Variants in ASB14 observed in about 807,000 individuals in gnomAD.
ASB14 encodes ankyrin repeat and SOCS box protein 14.
In ASB14, 63 loss-of-function variants were observed where a neutral mutation model predicts 55.6. The ratio of observed to expected loss-of-function variants is 1.13; its 90% CI spans 0.92 to 1.40. ASB14 has a LOEUF of 1.40. Ranked by LOEUF, ASB14 falls within the 40% of genes most tolerant of loss-of-function variation. ASB14 has a pLI of 0.00. For synonymous variants in ASB14, 256 were observed against 259.9 expected, an observed-to-expected ratio of 0.98 and a Z score of 0.15; for missense variants, 724 against 710.4, an observed-to-expected ratio of 1.02 and a Z score of -0.22.
rs568181180 is a variant in ASB14, at chr3:57,284,372, T to TTCC, written c.470-936_470-934dup. On this transcript the variant is annotated intron_variant, in intron 5 of 10. Coordinates refer to ENST00000487349, the MANE Select transcript of ASB14 (RefSeq NM_001142733.3). Reference sequence around the variant, plus strand: ...CTTAAACCCCTGGGTTCAAGTGATCTTCCTGCCTCAGCCTCCCAAAGGCTG... The same window carrying TTCC: ...CTTAAACCCCTGGGTTCAAGTGATCTTCCTCCTGCCTCAGCCTCCCAAAGGCTG... Among the ~76,000 whole-genome samples, 154 of 152,264 alleles carry TTCC rather than the reference T, an allele frequency of 1.0e-3. 1 individual carries two copies. Among genetic ancestry groups the TTCC allele is most frequent in the African/African-American group, 3.6e-3 (148 of 41,572 alleles).
rs34419265 is a variant in ASB14 at position 57,289,687 on chromosome 3, C to CTTTTTT, written c.123-570_123-565dup. Reference sequence around the variant, plus strand: ...CAAATAAGGATTGTCACCTTCCATTCTTTTTTTTTTTTTTTTTTTTTTTGA... The same window carrying CTTTTTT: ...CAAATAAGGATTGTCACCTTCCATTCTTTTTTTTTTTTTTTTTTTTTTTTTTTTTGA... On this transcript the variant is annotated intron_variant, in intron 2 of 10. Transcript: ENST00000487349. 8.6e-3 allele frequency among the ~76,000 whole-genome samples: 861 copies of CTTTTTT among 100,292 alleles called. 11 individuals are homozygous for CTTTTTT. Among genetic ancestry groups the CTTTTTT allele is most frequent in the East Asian group, 0.023 (61 of 2,638 alleles). The allele number at this position is 100,292 out of a possible 152,430, so 65.8% of individuals were successfully genotyped here.
chr3:57,291,238 G>C (rs1048899303), intron 2 of ASB14, among the ~76,000 whole-genome samples: 119 of 152,148 alleles, frequency 7.8e-4, no homozygotes, highest in African/African-American at 2.9e-3. Context: ...CATTTTTCTA[G>C]TTTTACATCC....
Position 57,277,788 on chromosome 3 carries a change from A to G in ASB14, c.1564T>C (p.Ser522Pro). 1 of 1,612,182 alleles carries G rather than the reference A, an allele frequency of 6.2e-7. No individual in the cohort carries two copies. The highest frequency in any genetic ancestry group is 1.1e-5 in the South Asian group (1 of 90,458). ...TTACTTAAGATAAAATGTATTTCTG[A>G]CCAGATCCCCTGTTTTTGGAGCACA... is the stretch of plus-strand genomic sequence containing the variant. Reference protein sequence around the residue: ...KAVLQKQGIWSEIHFILTNPR... With the variant: ...KAVLQKQGIWPEIHFILTNPR... The change falls in exon 9 of 11, where the codon TCA becomes CCA. Residue 522 changes from serine to proline, a missense_variant. Coordinates refer to ENST00000487349, the MANE Select transcript of ASB14 (RefSeq NM_001142733.3).
intron 1 of ASB14, 142 bp from the exon 2 acceptor site, chr3:57,292,246 A>G: frequency 2.0e-6 from 1 of 503,316 alleles, no homozygotes; most frequent in African/African-American, 2.0e-5. Flanking sequence ...CCACAGATTC[A>G]ACAAAAATTA....
intron 9 of ASB14, among the ~76,000 whole-genome samples, chr3:57,276,932 G>A (rs914830206): frequency 1.3e-5 from 2 of 152,204 alleles, no homozygotes; most frequent in South Asian, 4.2e-4. Flanking sequence ...CCAAAGACTG[G>A]CATCAATCAT....
chr3:57,288,523 A>G (rs2061099833), intron 3 of ASB14, among the ~76,000 whole-genome samples: 1 of 152,090 alleles, frequency 6.6e-6, no homozygotes, highest in Non-Finnish European at 1.5e-5. Flanking sequence ...TCTGTCTAGG[A>G]AGGAACCCAG....
intron 10 of ASB14, among the ~76,000 whole-genome samples, chr3:57,275,378 G>A (rs1362011087): frequency 6.6e-6 from 1 of 151,670 alleles, no homozygotes; most frequent in Non-Finnish European, 1.5e-5. Context: ...CTTGAACCCG[G>A]GAGGCAGAGA....
chr3:57,276,450 A>T, intron 10 of ASB14, 78 bp downstream of exon 10: 2 of 1,077,488 alleles, frequency 1.9e-6, no homozygotes, highest in Non-Finnish European at 2.7e-6. Flanking sequence ...CTGCATTGAG[A>T]TTTTAGTTGG....
chr3:57,282,085 GTTTATT>G (rs980146014), intron 6 of ASB14, among the ~76,000 whole-genome samples: 2 of 152,146 alleles, frequency 1.3e-5, no homozygotes, highest in African/African-American at 4.8e-5. Flanking sequence ...AGATTCCAAT[GTTTATT>G]TTTGTTATTC....
chr3:57,288,738 G>A (rs13090171), intron 3 of ASB14, among the ~76,000 whole-genome samples: 5,730 of 116,852 alleles, frequency 0.049, 169 homozygotes, highest in Middle Eastern at 0.094. Context: ...TTTGTGAGAC[G>A]GAGTCTCGCT....
At chr3:57,286,369 C>G (rs2107627924) in intron 5 of ASB14, among the ~76,000 whole-genome samples, 1 of 148,604 alleles carries the variant, frequency 6.7e-6, no homozygotes, top group South Asian at 2.1e-4. Flanking sequence ...TGATCTTTAA[C>G]ATTTTCACAT....
At chr3:57,288,090 A>C in intron 4 of ASB14, 31 bp from the exon 5 acceptor site, 1 of 1,535,228 alleles carries the variant, frequency 6.5e-7, no homozygotes, top group Non-Finnish European at 8.7e-7. Flanking sequence ...CACACAAATT[A>C]AGATATAGAA....
chr3:57,284,947 T>TG (rs1270444382), intron 5 of ASB14, among the ~76,000 whole-genome samples: 1 of 150,232 alleles, frequency 6.7e-6, no homozygotes, highest in Non-Finnish European at 1.5e-5. Context: ...TGTTGTTTTT[T>TG]TTTTTTTTTT....
At chr3:57,284,830 G>T (rs1281696963) in intron 5 of ASB14, among the ~76,000 whole-genome samples, 2 of 152,048 alleles carry the variant, frequency 1.3e-5, no homozygotes, top group African/African-American at 4.8e-5. Context: ...TTTCTGCTCA[G>T]TGTTTTCTGT....
At chr3:57,275,238 G>A (rs1251265838) in intron 10 of ASB14, among the ~76,000 whole-genome samples, 2 of 151,986 alleles carry the variant, frequency 1.3e-5, no homozygotes, top group Non-Finnish European at 2.9e-5. Flanking sequence ...ATCACCTGAG[G>A]GTCAGGAGTT....
intron 5 of ASB14, 115 bp from the exon 6 acceptor site, chr3:57,283,554 C>T (rs796782341): frequency 1.4e-5 from 15 of 1,083,914 alleles, no homozygotes; most frequent in African/African-American, 9.5e-5. Flanking sequence ...CTCCCAGACC[C>T]GAACATTCTG....
chr3:57,292,243 T>C, intron 1 of ASB14, 139 bp from the exon 2 acceptor site: 1 of 517,780 alleles, frequency 1.9e-6, no homozygotes, highest in Non-Finnish European at 3.1e-6. Flanking sequence ...CTGCCACAGA[T>C]TCAACAAAAA....
Position 57,288,155 on chromosome 3 carries a change from C to T in ASB14, c.310G>A (p.Ala104Thr), listed in dbSNP as rs760894395. 1.8e-5 allele frequency: 28 copies of T among 1,536,674 alleles called. No individual in the cohort carries two copies. The highest frequency in any genetic ancestry group is 1.2e-4 in the South Asian group (10 of 83,978). Residue 104 changes from alanine (A) to threonine (T), a missense_variant and splice_region_variant, in exon 4 of 11, where the codon GCT (alanine) becomes ACT (threonine). Coordinates refer to ENST00000487349, the MANE Select transcript of ASB14 (RefSeq NM_001142733.3). ...NRKILEITLSASDPSLWEQTT... is the reference protein window; with the variant it reads ...NRKILEITLSTSDPSLWEQTT... Reference sequence around the variant, plus strand: ...TCAAGAAGAATCAAAGGGAATTTACCGCTTAGGGTTATTTCCAAAATTTTC... The same window carrying T: ...TCAAGAAGAATCAAAGGGAATTTACTGCTTAGGGTTATTTCCAAAATTTTC...
intron 10 of ASB14, chr3:57,271,347 C>T (rs1043206032): frequency 6.6e-6 from 1 of 152,454 alleles, no homozygotes; most frequent in African/African-American, 2.4e-5. Flanking sequence ...GTTACCAAAA[C>T]ATACAGTAAA....
Sources: allele counts gnomAD v4.1 joint callset (sites outside exome capture counted in the v4.1 genomes callset), GRCh38; gene constraint gnomAD v4.1.1; transcripts MANE v1.5; gene names NCBI Gene and HGNC (gene_info 2026-07-23, HGNC 2026-07-21).